Variants in THSD7B observed in about 807,000 individuals in gnomAD.
The protein encoded by THSD7B is thrombospondin type 1 domain containing 7B.
A neutral mutation model predicts 213.6 loss-of-function variants in THSD7B; 138 were observed. The ratio of observed to expected loss-of-function variants is 0.65; its 90% CI spans 0.56 to 0.74. The LOEUF (loss-of-function observed/expected upper bound fraction) is 0.74, where lower values mean the gene tolerates loss of function less well. Ranked by LOEUF, THSD7B falls within the 30% of genes least tolerant of loss-of-function variation. The pLI, the probability that THSD7B is intolerant of heterozygous loss-of-function variation, is 0.00. For missense variants in THSD7B, 1,931 were observed against 1,991.5 expected (o/e 0.97, Z 0.58); for synonymous variants, 742 against 687.0 (o/e 1.08, Z -1.25).
At chr2:137,107,636 G>A (rs960455811) in intron 4 of THSD7B, among the ~76,000 whole-genome samples, 1 of 152,136 alleles carries the variant, frequency 6.6e-6, no homozygotes. Context: ...TTCAATAGAA[G>A]ACTCTTGCTT....
rs142598296 is a variant in THSD7B at position 137,530,819 on chromosome 2, A to G, written c.3139-32402A>G. Among the ~76,000 whole-genome samples, 12 of 152,180 alleles carry G rather than the reference A, an allele frequency of 7.9e-5. No individual in the cohort carries two copies. The East Asian group carries it at 2.1e-3, about 27-fold the overall frequency. ...TGTAGTACCTCTTACTAGAATTGTG[A>G]TAAGTGACAAGGCTTGACTTCACAA... On this transcript the variant is annotated intron_variant, in intron 15 of 27. Transcript: ENST00000409968.
At chr2:137,373,939 C>T (rs1685592644) in intron 12 of THSD7B, among the ~76,000 whole-genome samples, 1 of 152,262 alleles carries the variant, frequency 6.6e-6, no homozygotes, top group Non-Finnish European at 1.5e-5. Context: ...TTCCCAGCAC[C>T]ATTTATTAAA....
chr2:137,227,608 A>G (rs1416434092), intron 7 of THSD7B, among the ~76,000 whole-genome samples: 1 of 152,154 alleles, frequency 6.6e-6, no homozygotes, highest in African/African-American at 2.4e-5. Flanking sequence ...CTGTCTGCAC[A>G]ATGGGAAGAT....
At chr2:137,603,878 AGGTGGAT>A (rs887731588) in intron 17 of THSD7B, among the ~76,000 whole-genome samples, 3 of 152,186 alleles carry the variant, frequency 2.0e-5, no homozygotes, top group African/African-American at 7.2e-5. Flanking sequence ...TGGGAGGCCA[AGGTGGAT>A]GGATCACCTG....
chr2:136,786,303 G>T (rs888844933), intron 1 of THSD7B, among the ~76,000 whole-genome samples: 3 of 152,056 alleles, frequency 2.0e-5, no homozygotes, highest in African/African-American at 7.2e-5. Flanking sequence ...TAGTACCAAA[G>T]AATATTCACA....
chr2:137,409,758 G>A (rs1201619368), intron 13 of THSD7B, among the ~76,000 whole-genome samples: 1 of 152,150 alleles, frequency 6.6e-6, no homozygotes, highest in African/African-American at 2.4e-5. Context: ...GGGGGCATGG[G>A]GTGAGGGTGA....
intron 12 of THSD7B, among the ~76,000 whole-genome samples, chr2:137,375,765 G>A (rs958477073): frequency 3.3e-5 from 5 of 152,164 alleles, no homozygotes; most frequent in African/African-American, 7.2e-5. Context: ...ATATGGAGAT[G>A]AATAAACATA....
chr2:136,908,792 A>G (rs1684211534), intron 2 of THSD7B, among the ~76,000 whole-genome samples: 1 of 152,212 alleles, frequency 6.6e-6, no homozygotes, highest in East Asian at 1.9e-4. Context: ...ATTTTGAGGC[A>G]TGGCTACTGA....
Position 136,853,038 on chromosome 2 carries a change from A to G in THSD7B, c.-35-29106A>G, listed in dbSNP as rs546627731. Among the ~76,000 whole-genome samples, 8 of 151,102 alleles carry G rather than the reference A, an allele frequency of 5.3e-5. No individual in the cohort carries two copies. The East Asian group carries it at 1.2e-3, about 22-fold the overall frequency. On this transcript the variant is annotated intron_variant, in intron 1 of 27. Transcript: ENST00000409968. ...CCACTTTGCATGTGTGTGTGTGTGC[A>G]TGTGTGTGTGTGCATGTGCATGTGT...
chr2:136,812,977 A>C (rs529903905), intron 1 of THSD7B, among the ~76,000 whole-genome samples: 25 of 152,336 alleles, frequency 1.6e-4, no homozygotes, highest in African/African-American at 4.8e-4. Flanking sequence ...GATACAAATG[A>C]GCAATACCAG....
In THSD7B at chr2:137,656,852, G is replaced by T; in HGVS notation, c.4162G>T (p.Asp1388Tyr). The change falls in exon 23 of 28, where the codon GAT (aspartate) becomes TAT (tyrosine). Residue 1388 changes from aspartate to tyrosine, a missense_variant. Coordinates refer to ENST00000409968, the MANE Select transcript of THSD7B (RefSeq NM_001316349.2). ...EWSTCELTCI[D>Y]GRSFETVGRQ... is the part of the protein sequence containing the mutation. ...GAGCACATGTGAATTAACCTGCATT[G>T]ATGGAAGAAGCTTTGAGACTGTGGG... 2 of 1,613,974 alleles carry T rather than the reference G, an allele frequency of 1.2e-6. No individual in the cohort carries two copies. Among genetic ancestry groups the T allele is most frequent in the Non-Finnish European group, 1.7e-6 (2 of 1,179,888 alleles).
chr2:137,118,305 T>C (rs1469622), intron 5 of THSD7B, among the ~76,000 whole-genome samples: 76,233 of 152,026 alleles, frequency 0.5, 20,815 homozygotes, highest in Non-Finnish European at 0.6. Flanking sequence ...CATTCCACAG[T>C]CCTTTCTCAG....
At position 137,480,706 on chromosome 2, in the gene THSD7B, G is replaced by A. The variant is rs547911819; in HGVS notation, c.3138+29683G>A. ...AAATAAAGATTTTTCATTAGTGTTT[G>A]GAAGAGGCTAAATTTAAGTGCATTA... On this transcript the variant is annotated intron_variant, in intron 15 of 27. Coordinates refer to ENST00000409968, the MANE Select transcript of THSD7B (RefSeq NM_001316349.2). Among the ~76,000 whole-genome samples the A allele has an allele frequency of 3.1e-3, 466 of 152,264 alleles. 3 individuals carry two copies. The highest frequency in any genetic ancestry group is 4.3e-3 in the Non-Finnish European group (292 of 68,026).
intron 12 of THSD7B, among the ~76,000 whole-genome samples, chr2:137,299,027 A>G (rs1375577494): frequency 6.6e-6 from 1 of 152,140 alleles, no homozygotes; most frequent in African/African-American, 2.4e-5. Flanking sequence ...GACAGCTGGC[A>G]CTATGTGCCT....
intron 3 of THSD7B, among the ~76,000 whole-genome samples, chr2:137,066,682 G>A (rs558939007): frequency 6.6e-6 from 1 of 151,984 alleles, no homozygotes; most frequent in Non-Finnish European, 1.5e-5. Flanking sequence ...GATATTTTTG[G>A]TATTTGCCTT....
intron 14 of THSD7B, among the ~76,000 whole-genome samples, chr2:137,427,405 T>C (rs1687083417): frequency 6.6e-6 from 1 of 152,134 alleles, no homozygotes; most frequent in South Asian, 2.1e-4. Flanking sequence ...ACAACTTATG[T>C]GTCTGTTGAC....
At chr2:137,151,290 G>A (rs1679813886) in intron 5 of THSD7B, among the ~76,000 whole-genome samples, 2 of 151,950 alleles carry the variant, frequency 1.3e-5, no homozygotes, top group Non-Finnish European at 2.9e-5. Context: ...CTTTCTGTAA[G>A]CTTTTTTCCA....
chr2:137,206,403 C>T (rs1680984526), intron 7 of THSD7B, among the ~76,000 whole-genome samples: 1 of 151,950 alleles, frequency 6.6e-6, no homozygotes, highest in Admixed American at 6.6e-5. Flanking sequence ...GTTTAAAGTC[C>T]CAAATACACA....
chr2:136,998,622 A>G (rs79785620), intron 2 of THSD7B, among the ~76,000 whole-genome samples: 1 of 152,056 alleles, frequency 6.6e-6, no homozygotes, highest in Non-Finnish European at 1.5e-5. Context: ...TGACAGACAG[A>G]ATTTGCTAGC....
Sources: gnomAD v4.1 joint callset for allele counts (sites outside exome capture counted in the v4.1 genomes callset) on GRCh38, gnomAD v4.1.1 for gene constraint, MANE v1.5 for transcripts, NCBI Gene and HGNC (gene_info 2026-07-23, HGNC 2026-07-21) for gene names.